The following ZNF518B variants were observed in gnomAD, a reference collection of about 807,000 sequenced individuals.
The protein encoded by ZNF518B is zinc finger protein 518B.
In ZNF518B, 23 loss-of-function variants were observed where a neutral mutation model predicts 56.3. The observed-to-expected ratio is 0.41, with a 90% CI of 0.29 to 0.58. The LOEUF (loss-of-function observed/expected upper bound fraction) is 0.58. Among genes scored for constraint, ZNF518B ranks in the 20% least tolerant of loss-of-function variants. The probability of loss-of-function intolerance (pLI) is 0.32; values close to 1 mark genes in which losing one functional copy is unlikely to be tolerated. For synonymous variants in ZNF518B, 529 were observed against 465.9 expected, an observed-to-expected ratio of 1.14 and a Z score of -1.74; for missense variants, 1,460 against 1,272.1, an observed-to-expected ratio of 1.15 and a Z score of -2.25.
chr4:10,447,375 G>C (rs1715105977), intron 2 of ZNF518B, among the ~76,000 whole-genome samples: 1 of 152,108 alleles, frequency 6.6e-6, no homozygotes, highest in South Asian at 2.1e-4. Context: ...AGACCTGGGG[G>C]CAACCACAGT....
At chr4:10,449,036 A>G (rs1045277101) in intron 2 of ZNF518B, among the ~76,000 whole-genome samples, 4 of 152,178 alleles carry the variant, frequency 2.6e-5, no homozygotes, top group African/African-American at 7.2e-5. Flanking sequence ...CACACACTTT[A>G]TCATCTAAAG....
chr4:10,448,647 A>G (rs1420503443), intron 2 of ZNF518B, among the ~76,000 whole-genome samples: 2 of 151,970 alleles, frequency 1.3e-5, no homozygotes, highest in Non-Finnish European at 2.9e-5. Flanking sequence ...GGAGGCCTGC[A>G]GGGTTGCAGT....
rs1038346009 is a variant in ZNF518B, at chr4:10,441,243, T to A, written c.*1861A>T. 2 of 152,536 alleles carry A rather than the reference T, an allele frequency of 1.3e-5. No homozygotes were observed. Among genetic ancestry groups the A allele is most frequent in the African/African-American group, 4.8e-5 (2 of 41,436 alleles). The allele number at this position is 152,536 out of a possible 1,614,324, so 9.4% of individuals were successfully genotyped here. On this transcript the variant is annotated 3_prime_UTR_variant, in exon 3 of 3. Coordinates refer to ENST00000326756, the MANE Select transcript of ZNF518B (RefSeq NM_053042.3). ...AATCAGAAAATTAGCTACTGCAATT[T>A]TCATATGGTAAAAAATATTTTTATG...
chr4:10,445,670 C>G lies in ZNF518B; in HGVS notation c.659G>C (p.Arg220Pro). 6.2e-7 allele frequency: 1 copy of G among 1,614,076 alleles called. No individual in the cohort carries two copies. The highest frequency in any genetic ancestry group is 2.2e-5 in the East Asian group (1 of 44,876). The stretch of plus-strand genomic sequence containing the variant: ...CAGCTTGGCAACAGCTTTGACTGGC[C>G]GTTTCGCACCTGCCCTTTCATGTAC... ...KRVHERAGAK[R>P]PVKAVAKLEP... Residue 220 changes from arginine to proline, a missense_variant, in exon 3 of 3, where the codon CGG becomes CCG. Coordinates refer to ENST00000326756, the MANE Select transcript of ZNF518B (RefSeq NM_053042.3).
upstream of ZNF518B, among the ~76,000 whole-genome samples, chr4:10,461,322 G>C (rs375644668): frequency 1.9e-3 from 289 of 152,302 alleles, no homozygotes; most frequent in African/African-American, 6.6e-3. Context: ...CGCACACTCA[G>C]CTCGGCCGCC....
chr4:10,450,963 G>A (rs1181459208), intron 2 of ZNF518B: 2 of 152,220 alleles, frequency 1.3e-5, no homozygotes, highest in African/African-American at 4.8e-5. Flanking sequence ...CATACAGTGA[G>A]TTTTCTAATG....
In ZNF518B at chr4:10,444,052, TCTG is replaced by T. The variant is rs772829299; in HGVS notation, c.2274_2276del (p.Ser758del). ...TGGCAACATGAGCCTTCCTGGCCAC[TCTG>T]CTTTTGGTTTTCCTATTACTGCCAT... On this transcript the variant is annotated inframe_deletion, in exon 3 of 3. Transcript: ENST00000326756. The T allele has an allele frequency of 6.2e-7, 1 of 1,614,224 alleles. No homozygotes were observed. The highest frequency in any genetic ancestry group is 8.5e-7 in the Non-Finnish European group (1 of 1,180,042).
At position 10,446,349 on chromosome 4, in the gene ZNF518B, G is replaced by C. The variant is rs377755076; in HGVS notation, c.-21C>G. ...TTCATCTTATCTGCATTTCTAAAAA[G>C]AGCCAACTAAAATTCAGAAAGTTTT... On this transcript the variant is annotated 5_prime_UTR_variant, in exon 3 of 3. Coordinates refer to ENST00000326756, the MANE Select transcript of ZNF518B (RefSeq NM_053042.3). 6.4e-7 allele frequency: 1 copy of C among 1,560,470 alleles called. No individual in the cohort carries two copies. The highest frequency in any genetic ancestry group is 8.7e-7 in the Non-Finnish European group (1 of 1,151,410).
chr4:10,445,549 C>G lies in ZNF518B; in HGVS notation c.780G>C (p.Leu260=), dbSNP rs763737157. The G allele has an allele frequency of 1.9e-6, 3 of 1,614,158 alleles. No homozygotes were observed. The South Asian group carries it at 3.3e-5, about 18-fold the overall frequency. The part of the protein sequence containing the change: ...TTFQNKWSDQ[L]SGFSLHANKD... ...TATTTGCATGGAGAGAGAAACCTGA[C>G]AGTTGGTCTGACCACTTATTTTGAA... is the stretch of plus-strand genomic sequence containing the variant. Residue 260 remains leucine (L), a synonymous_variant, in exon 3 of 3, where the codon CTG becomes CTC. Transcript: ENST00000326756.
At chr4:10,460,324 C>CAAAAAAAAA (rs1715706695), upstream of ZNF518B, among the ~76,000 whole-genome samples, 2 of 17,398 alleles carry the variant, frequency 1.1e-4, no homozygotes, top group Non-Finnish European at 1.9e-4. Context: ...AAAAAAAAAA[C>CAAAAAAAAA]CAAAAAAAAA....
chr4:10,445,420 G>T lies in ZNF518B; in HGVS notation c.909C>A (p.Val303=). The T allele has an allele frequency of 6.2e-7, 1 of 1,614,212 alleles. No individual in the cohort carries two copies. The highest frequency in any genetic ancestry group is 8.5e-7 in the Non-Finnish European group (1 of 1,180,038). Residue 303 remains valine, a synonymous_variant, in exon 3 of 3, where the codon GTC becomes GTA. Transcript: ENST00000326756. Reference sequence around the variant, plus strand: ...CAACATTTTTGTTCTCAAATAGGTTGACTTCATTTGGCTCAGACAGGGTCA... The same window carrying T: ...CAACATTTTTGTTCTCAAATAGGTTTACTTCATTTGGCTCAGACAGGGTCA... ...NKMTLSEPNE[V]NLFENKNVEV...
rs745768417 is a variant in ZNF518B, at chr4:10,445,060, A to C, written c.1269T>G (p.Pro423=). ...GKLVGIDSFQ[P]SVQKQLKNVK... Reference sequence around the variant, plus strand: ...CATTTTTAAGCTGTTTCTGAACTGAAGGTTGAAAACTATCAATGCCTACGA... The same window carrying C: ...CATTTTTAAGCTGTTTCTGAACTGACGGTTGAAAACTATCAATGCCTACGA... The change falls in exon 3 of 3, where the codon CCT becomes CCG. Residue 423 remains proline (P), a synonymous_variant. Coordinates refer to ENST00000326756, the MANE Select transcript of ZNF518B (RefSeq NM_053042.3). 2 of 1,614,222 alleles carry C rather than the reference A, an allele frequency of 1.2e-6. No homozygotes were observed. The highest frequency in any genetic ancestry group is 1.7e-6 in the Non-Finnish European group (2 of 1,180,046).
chr4:10,443,644 G>C lies in ZNF518B; in HGVS notation c.2685C>G (p.His895Gln). The C allele has an allele frequency of 1.2e-6, 2 of 1,614,118 alleles. No individual in the cohort carries two copies. The highest frequency in any genetic ancestry group is 1.1e-5 in the South Asian group (1 of 91,080). The change falls in exon 3 of 3, where the codon CAC (histidine) becomes CAG (glutamine). Residue 895 changes from histidine (H) to glutamine (Q), a missense_variant. Physicochemically the swap from His to Gln is conservative, Grantham distance 24. Coordinates refer to ENST00000326756, the MANE Select transcript of ZNF518B (RefSeq NM_053042.3). ...GAATTTTGTTTTTCTTCCTGGATAA[G>C]TGTACTTGTTTGGTTTTATTTCTAC... ...SISRNKTKQV[H>Q]LSRKKNKIQA...
Position 10,445,413 on chromosome 4 carries a change from A to T in ZNF518B, c.916T>A (p.Phe306Ile), listed in dbSNP as rs1386686712. Residue 306 changes from phenylalanine to isoleucine, a missense_variant, in exon 3 of 3, where the codon TTT (phenylalanine) becomes ATT (isoleucine). Transcript: ENST00000326756. ...TLSEPNEVNL[F>I]ENKNVEVEVL... ...TCTACTTCAACATTTTTGTTCTCAAATAGGTTGACTTCATTTGGCTCAGAC... is the reference window on the plus strand; with the variant it reads ...TCTACTTCAACATTTTTGTTCTCAATTAGGTTGACTTCATTTGGCTCAGAC... 9.9e-6 allele frequency: 16 copies of T among 1,614,236 alleles called. No individual in the cohort carries two copies. The highest frequency in any genetic ancestry group is 1.4e-5 in the Non-Finnish European group (16 of 1,180,040).
Position 10,443,141 on chromosome 4 carries a change from G to A in ZNF518B, c.3188C>T (p.Thr1063Ile). The A allele has an allele frequency of 6.2e-7, 1 of 1,614,068 alleles. No homozygotes were observed. ...SHGQRHLIEA[T>I]RDWDVLSSKG... ...GGAGGAAAGAACATCCCAATCTCTA[G>A]TTGCTTCTATCAAATGCCGTTGGCC... The change falls in exon 3 of 3, where the codon ACT (threonine) becomes ATT (isoleucine). Residue 1063 changes from threonine to isoleucine, a missense_variant. By Grantham distance (89) the Thr-to-Ile change is moderately conservative. Coordinates refer to ENST00000326756, the MANE Select transcript of ZNF518B (RefSeq NM_053042.3).
rs149925259 is a variant in ZNF518B, at chr4:10,443,400, C to G, written c.2929G>C (p.Glu977Gln). The change falls in exon 3 of 3, where the codon GAG becomes CAG. Residue 977 changes from glutamate to glutamine, a missense_variant. Coordinates refer to ENST00000326756, the MANE Select transcript of ZNF518B (RefSeq NM_053042.3). ...KGNVLKVVLSERTRCQLGIRR... is the reference protein window; with the variant it reads ...KGNVLKVVLSQRTRCQLGIRR... ...ATGCCTAGCTGACACCTAGTCCTCT[C>G]TGATAAAACAACTTTGAGGACATTG... The G allele has an allele frequency of 4.3e-6, 7 of 1,614,110 alleles. No homozygotes were observed. The African/African-American group carries it at 8.0e-5, about 18-fold the overall frequency.
Position 10,446,049 on chromosome 4 carries a change from C to G in ZNF518B, c.280G>C (p.Ala94Pro). Residue 94 changes from alanine (A) to proline (P), a missense_variant, in exon 3 of 3, where the codon GCT becomes CCT. Ala to Pro is a conservative substitution (Grantham distance 27). Transcript: ENST00000326756. Reference protein sequence around the residue: ...YVCFQCSLGAAPPNFHFVSNN... With the variant: ...YVCFQCSLGAPPPNFHFVSNN... The stretch of plus-strand genomic sequence containing the variant: ...CTCACAAAATGAAAATTGGGAGGAG[C>G]TGCACCGAGGCTGCACTGGAAGCAG... 1 of 1,614,058 alleles carries G rather than the reference C, an allele frequency of 6.2e-7. No homozygotes were observed. Among genetic ancestry groups the G allele is most frequent in the Non-Finnish European group, 8.5e-7 (1 of 1,180,024 alleles).
intron 2 of ZNF518B, among the ~76,000 whole-genome samples, chr4:10,448,530 C>A (rs1192709149): frequency 6.6e-6 from 1 of 152,022 alleles, no homozygotes; most frequent in Non-Finnish European, 1.5e-5. Context: ...TCTACTTTTG[C>A]GAAAGATAGT....
In ZNF518B at chr4:10,445,625, G is replaced by C; in HGVS notation, c.704C>G (p.Thr235Ser). ...TAGAAGCTCTGGGTTTTGTTTTGAAGTTCCGGTTCTTTTTGGCTCCAGCTT... is the reference window on the plus strand; with the variant it reads ...TAGAAGCTCTGGGTTTTGTTTTGAACTTCCGGTTCTTTTTGGCTCCAGCTT... ...VAKLEPKRTGTSKQNPELLKA... is the reference protein window; with the variant it reads ...VAKLEPKRTGSSKQNPELLKA... The change falls in exon 3 of 3, where the codon ACT (threonine) becomes AGT (serine). Residue 235 changes from threonine to serine, a missense_variant. Thr to Ser is a moderately conservative substitution (Grantham distance 58). Transcript: ENST00000326756. 3 of 1,614,112 alleles carry C rather than the reference G, an allele frequency of 1.9e-6. No homozygotes were observed. The highest frequency in any genetic ancestry group is 1.1e-5 in the South Asian group (1 of 91,082).
Sources: allele counts gnomAD v4.1 joint callset (sites outside exome capture counted in the v4.1 genomes callset), GRCh38; gene constraint gnomAD v4.1.1; transcripts MANE v1.5; gene names NCBI Gene and HGNC (gene_info 2026-07-23, HGNC 2026-07-21).